Variants in DCDC1 observed in about 807,000 individuals in gnomAD.
The protein encoded by DCDC1 is doublecortin domain containing 1.
Under a neutral mutation model 178.3 loss-of-function variants are expected in DCDC1, and 200 were observed. That is an observed-to-expected ratio of 1.12 (90% CI 1.00 to 1.26). DCDC1 has a LOEUF of 1.26. Ranked by LOEUF, DCDC1 falls within the 50% of genes most tolerant of loss-of-function variation. DCDC1 has a pLI of 0.00. For synonymous variants in DCDC1, 690 were observed against 604.8 expected, an observed-to-expected ratio of 1.14 and a Z score of -2.07; for missense variants, 1,983 against 1,749.2, an observed-to-expected ratio of 1.13 and a Z score of -2.38.
At chr11:30,932,556 A>G (rs1947002698) in intron 21 of DCDC1, among the ~76,000 whole-genome samples, 2 of 152,322 alleles carry the variant, frequency 1.3e-5, no homozygotes, top group African/African-American at 4.8e-5. Flanking sequence ...TTATGCACCA[A>G]AAATAAAACT....
chr11:31,219,782 G>A (rs1458559202), intron 9 of DCDC1, among the ~76,000 whole-genome samples: 2 of 152,076 alleles, frequency 1.3e-5, no homozygotes, highest in African/African-American at 2.4e-5. Flanking sequence ...CACCATATAA[G>A]CACATATAAA....
At chr11:31,088,600 T>C (rs1957615530) in intron 17 of DCDC1, among the ~76,000 whole-genome samples, 1 of 152,206 alleles carries the variant, frequency 6.6e-6, no homozygotes, top group Admixed American at 6.5e-5. Context: ...TTTGTGTTAT[T>C]TCCATCACAC....
At chr11:31,031,684 G>A (rs959543457) in intron 20 of DCDC1, among the ~76,000 whole-genome samples, 1 of 151,862 alleles carries the variant, frequency 6.6e-6, no homozygotes, top group Admixed American at 6.6e-5. Context: ...TTACTATAAA[G>A]AAAGCCAGCA....
intron 36 of DCDC1, among the ~76,000 whole-genome samples, chr11:30,885,261 A>G (rs1943060454): frequency 6.6e-6 from 1 of 151,912 alleles, no homozygotes; most frequent in African/African-American, 2.4e-5. Context: ...AAGGAAAAGT[A>G]AGATAAAAAC....
rs560786990 is a variant in DCDC1 at position 31,227,359 on chromosome 11, G to A, written c.1221+14091C>T. 2.0e-5 allele frequency among the ~76,000 whole-genome samples: 3 copies of A among 152,150 alleles called. No individual in the cohort carries two copies. In the South Asian group the frequency reaches 6.2e-4, roughly 32 times the overall value. On this transcript the variant is annotated intron_variant, in intron 9 of 38. Transcript: ENST00000684477. ...AGCAAGAGAGAAGGGGGAAGTTCCA[G>A]GCTTTTTTAAACAACCAGGTCTCAC...
At chr11:31,150,750 C>G (rs201599283) in intron 9 of DCDC1, among the ~76,000 whole-genome samples, 1 of 30,404 alleles carries the variant, frequency 3.3e-5, no homozygotes, top group Non-Finnish European at 9.9e-5. Flanking sequence ...ATTGCTTTTT[C>G]CCTTATATCT....
At chr11:31,052,595 T>C (rs887984115) in intron 20 of DCDC1, among the ~76,000 whole-genome samples, 2 of 152,156 alleles carry the variant, frequency 1.3e-5, no homozygotes, top group South Asian at 4.1e-4. Flanking sequence ...ATAGACCATA[T>C]GATAGGCCAT....
At chr11:31,331,322 T>C (rs1272732778) in intron 2 of DCDC1, among the ~76,000 whole-genome samples, 2 of 152,230 alleles carry the variant, frequency 1.3e-5, no homozygotes, top group Non-Finnish European at 2.9e-5. Flanking sequence ...TCATGTCATC[T>C]GCAAACAGGG....
At chr11:30,914,086 A>G (rs766335754) in intron 27 of DCDC1, among the ~76,000 whole-genome samples, 3 of 152,266 alleles carry the variant, frequency 2.0e-5, no homozygotes, top group African/African-American at 4.8e-5. Context: ...ACTGCCCTCA[A>G]TAACCCTTGG....
At chr11:31,159,454 G>T (rs1966086572) in intron 9 of DCDC1, among the ~76,000 whole-genome samples, 1 of 152,084 alleles carries the variant, frequency 6.6e-6, no homozygotes, top group African/African-American at 2.4e-5. Context: ...ATCAGAGCAG[G>T]ATGTTCCTAG....
intron 33 of DCDC1, among the ~76,000 whole-genome samples, chr11:30,899,999 G>A (rs1417420312): frequency 6.6e-6 from 1 of 152,104 alleles, no homozygotes; most frequent in East Asian, 1.9e-4. Context: ...TCTTAAAAAT[G>A]AAAATGTGCA....
At chr11:31,239,791 AT>A (rs1188013203) in intron 9 of DCDC1, among the ~76,000 whole-genome samples, 7 of 151,910 alleles carry the variant, frequency 4.6e-5, no homozygotes, top group Non-Finnish European at 1.5e-5. Flanking sequence ...AATAAAATAT[AT>A]TTTTCATCAA....
chr11:31,116,557 A>G (rs1418441126), intron 11 of DCDC1, among the ~76,000 whole-genome samples: 1 of 151,996 alleles, frequency 6.6e-6, no homozygotes, highest in Non-Finnish European at 1.5e-5. Context: ...CATATTTTTG[A>G]CATTTTCTCA....
intron 21 of DCDC1, among the ~76,000 whole-genome samples, chr11:30,947,602 T>C (rs1297160709): frequency 6.6e-6 from 1 of 152,116 alleles, no homozygotes; most frequent in African/African-American, 2.4e-5. Flanking sequence ...CCTAAACTTA[T>C]GAAACTATTA....
intron 22 of DCDC1, 40 bp downstream of exon 22, chr11:30,931,731 T>C: frequency 6.4e-7 from 1 of 1,555,198 alleles, no homozygotes; most frequent in East Asian, 2.3e-5. Context: ...CTGTACAAAC[T>C]AGAAAGTGTA....
chr11:31,062,669 T>A (rs1956000364), intron 20 of DCDC1, among the ~76,000 whole-genome samples: 1 of 152,078 alleles, frequency 6.6e-6, no homozygotes, highest in African/African-American at 2.4e-5. Context: ...ATAAATTAAA[T>A]AAATAATAAA....
At chr11:30,873,116 TCTC>T (rs1941748199) in intron 38 of DCDC1, among the ~76,000 whole-genome samples, 1 of 150,842 alleles carries the variant, frequency 6.6e-6, no homozygotes, top group South Asian at 2.1e-4. Flanking sequence ...TCTCTCTCTC[TCTC>T]TATCTTCTGC....
chr11:31,115,683 G>A (rs1959795085), intron 11 of DCDC1, among the ~76,000 whole-genome samples: 1 of 152,104 alleles, frequency 6.6e-6, no homozygotes, highest in Non-Finnish European at 1.5e-5. Context: ...CACTGAAACT[G>A]ACCCTGAGAC....
chr11:30,867,747 C>A (rs1237373191), intron 38 of DCDC1, among the ~76,000 whole-genome samples: 2 of 152,032 alleles, frequency 1.3e-5, no homozygotes, highest in East Asian at 1.9e-4. Flanking sequence ...CTGGTGAGCA[C>A]CTGTAGAAAG....
Sources: gnomAD v4.1 joint callset for allele counts (sites outside exome capture counted in the v4.1 genomes callset) on GRCh38, gnomAD v4.1.1 for gene constraint, MANE v1.5 for transcripts, NCBI Gene and HGNC (gene_info 2026-07-23, HGNC 2026-07-21) for gene names.